Variants in F13A1 observed in about 807,000 individuals in gnomAD.
The protein encoded by F13A1 is FSF, A subunit.
A neutral mutation model predicts 80.1 loss-of-function variants in F13A1; 47 were observed. That is an observed-to-expected ratio of 0.59 (90% CI 0.46 to 0.75). The LOEUF is 0.75. F13A1 is among the 30% of genes least tolerant of loss of function. The probability of loss-of-function intolerance (pLI) is 0.00; values close to 1 mark genes in which losing one functional copy is unlikely to be tolerated. For synonymous variants in F13A1, 349 were observed against 344.9 expected, an observed-to-expected ratio of 1.01 and a Z score of -0.13; for missense variants, 817 against 930.4, an observed-to-expected ratio of 0.88 and a Z score of 1.59.
rs189226532 is a variant in F13A1, at chr6:6,293,905, T to C, written c.319+11446A>G. 2.1e-3 allele frequency among the ~76,000 whole-genome samples: 311 copies of C among 151,658 alleles called. 2 individuals are homozygous for C. Among genetic ancestry groups the C allele is most frequent in the African/African-American group, 7.3e-3 (301 of 41,262 alleles). ...TCTGAGAACAGCAACATAGGGAAACTCCAGTGTACTAACATATCTCAGCTC... is the reference window on the plus strand; with the variant it reads ...TCTGAGAACAGCAACATAGGGAAACCCCAGTGTACTAACATATCTCAGCTC... On this transcript the variant is annotated intron_variant, in intron 3 of 14. Coordinates refer to ENST00000264870, the MANE Select transcript of F13A1 (RefSeq NM_000129.4).
chr6:6,318,565 C>T lies in F13A1; in HGVS notation c.100G>A (p.Gly34Ser). The change falls in exon 2 of 15, where the codon GGC becomes AGC. Residue 34 changes from glycine to serine, a missense_variant. Physicochemically the swap from Gly to Ser is moderately conservative, Grantham distance 56. Coordinates refer to ENST00000264870, the MANE Select transcript of F13A1 (RefSeq NM_000129.4). ...EDDLPTVELQ[G>S]VVPRGVNLQE... is the part of the protein sequence containing the mutation. The stretch of plus-strand genomic sequence containing the variant: ...AGGTTGACGCCCCGGGGCACCACGC[C>T]CTGAAGCTCCACTGTGGGCAGGTCA... The T allele has an allele frequency of 6.2e-7, 1 of 1,613,614 alleles. No homozygotes were observed. The highest frequency in any genetic ancestry group is 1.1e-5 in the South Asian group (1 of 90,994).
At chr6:6,286,422 T>C (rs1359181846) in intron 3 of F13A1, among the ~76,000 whole-genome samples, 1 of 152,206 alleles carries the variant, frequency 6.6e-6, no homozygotes, top group East Asian at 1.9e-4. Flanking sequence ...AAAGTCAAAC[T>C]GTACACTTGT....
chr6:6,205,658 A>G (rs1005780734), intron 8 of F13A1, among the ~76,000 whole-genome samples: 9 of 152,192 alleles, frequency 5.9e-5, no homozygotes, highest in Non-Finnish European at 1.3e-4. Flanking sequence ...CTGATTATCC[A>G]GCTTTCTTTT....
chr6:6,288,129 C>A (rs1329473410), intron 3 of F13A1, among the ~76,000 whole-genome samples: 1 of 152,030 alleles, frequency 6.6e-6, no homozygotes, highest in Non-Finnish European at 1.5e-5. Flanking sequence ...ACATAGTTAC[C>A]TTTCTTTTCT....
chr6:6,217,976 C>T (rs1325693), intron 8 of F13A1, among the ~76,000 whole-genome samples: 19,719 of 152,148 alleles, frequency 0.13, 1,462 homozygotes, highest in Middle Eastern at 0.2. Context: ...ATGCCCTGCA[C>T]ACTGTTACAT....
intron 2 of F13A1, among the ~76,000 whole-genome samples, chr6:6,314,130 A>C (rs1742948): frequency 0.74 from 111,325 of 150,778 alleles, 41,436 homozygotes; most frequent in East Asian, 0.86. Context: ...TACAGGCGCC[A>C]ACCACCACCC....
At chr6:6,315,763 C>G (rs886209114) in intron 2 of F13A1, among the ~76,000 whole-genome samples, 4 of 151,940 alleles carry the variant, frequency 2.6e-5, no homozygotes, top group Non-Finnish European at 5.9e-5. Flanking sequence ...AAAATGGAGA[C>G]AAGAGTTTAA....
chr6:6,247,937 C>A (rs1348542691), intron 6 of F13A1, among the ~76,000 whole-genome samples: 1 of 152,174 alleles, frequency 6.6e-6, no homozygotes, highest in Non-Finnish European at 1.5e-5. Context: ...AAAAGCTGTG[C>A]CTTGCACATC....
At chr6:6,185,201 A>G (rs953693521) in intron 10 of F13A1, among the ~76,000 whole-genome samples, 2 of 151,212 alleles carry the variant, frequency 1.3e-5, no homozygotes, top group Non-Finnish European at 2.9e-5. Context: ...ACATATGTAT[A>G]CATGTGCCAT....
chr6:6,251,085 T>A (rs1475402429), intron 4 of F13A1, among the ~76,000 whole-genome samples, 156 bp from the exon 5 acceptor site: 1 of 152,226 alleles, frequency 6.6e-6, no homozygotes, highest in African/African-American at 2.4e-5. Flanking sequence ...CATTTCCCAA[T>A]ATTTTTAGTA....
chr6:6,172,858 T>A (rs1010364529), intron 12 of F13A1, among the ~76,000 whole-genome samples: 1 of 152,128 alleles, frequency 6.6e-6, no homozygotes, highest in South Asian at 2.1e-4. Context: ...TAGTTTCTCA[T>A]TTTTCTGGGA....
At chr6:6,241,465 G>T (rs577558171) in intron 6 of F13A1, among the ~76,000 whole-genome samples, 83 of 152,174 alleles carry the variant, frequency 5.5e-4, no homozygotes, top group African/African-American at 2.0e-3. Flanking sequence ...CACAAGAATG[G>T]GGTAACAAGG....
intron 5 of F13A1, among the ~76,000 whole-genome samples, chr6:6,248,835 G>C (rs1467775014): frequency 6.6e-6 from 1 of 152,150 alleles, no homozygotes; most frequent in African/African-American, 2.4e-5. Context: ...CGTGCATTTA[G>C]AAAATAAAGA....
At chr6:6,180,080 T>TA (rs1471210809) in intron 11 of F13A1, among the ~76,000 whole-genome samples, 2 of 152,200 alleles carry the variant, frequency 1.3e-5, no homozygotes, top group African/African-American at 4.8e-5. Flanking sequence ...CTGCTGCCCC[T>TA]AGCTGCCTGT....
intron 8 of F13A1, among the ~76,000 whole-genome samples, chr6:6,197,965 G>A (rs963783967): frequency 9.2e-5 from 14 of 152,136 alleles, no homozygotes; most frequent in African/African-American, 2.7e-4. Flanking sequence ...ACTAGGTACC[G>A]ACAGGGTGGG....
At chr6:6,251,508 T>C (rs1016660918) in intron 4 of F13A1, among the ~76,000 whole-genome samples, 4 of 152,120 alleles carry the variant, frequency 2.6e-5, no homozygotes, top group Non-Finnish European at 5.9e-5. Flanking sequence ...CCAGTGTCTT[T>C]CATTGCAAGG....
At chr6:6,219,117 C>A (rs1399291708) in intron 8 of F13A1, among the ~76,000 whole-genome samples, 1 of 152,110 alleles carries the variant, frequency 6.6e-6, no homozygotes, top group Non-Finnish European at 1.5e-5. Context: ...ACAAACCAAC[C>A]AGGAGCGGGG....
intron 6 of F13A1, among the ~76,000 whole-genome samples, chr6:6,240,335 G>C (rs989567266): frequency 6.6e-6 from 1 of 152,070 alleles, no homozygotes; most frequent in Non-Finnish European, 1.5e-5. Context: ...TACCATAAGA[G>C]AAAAAAGATA....
intron 13 of F13A1, among the ~76,000 whole-genome samples, chr6:6,165,103 C>A (rs1760643421): frequency 6.6e-6 from 1 of 152,204 alleles, no homozygotes; most frequent in Non-Finnish European, 1.5e-5. Flanking sequence ...TTTGAACAAA[C>A]TTGGCATGGA....
Sources: allele counts gnomAD v4.1 joint callset (sites outside exome capture counted in the v4.1 genomes callset), GRCh38; gene constraint gnomAD v4.1.1; transcripts MANE v1.5; gene names NCBI Gene and HGNC (gene_info 2026-07-23, HGNC 2026-07-21).